Variants in SNAP91 observed in about 807,000 individuals in gnomAD.
SNAP91 encodes the protein clathrin coat assembly protein AP180.
Under a neutral mutation model 100.3 loss-of-function variants are expected in SNAP91, and 27 were observed. The ratio of observed to expected loss-of-function variants is 0.27; its 90% CI spans 0.20 to 0.37. The LOEUF (loss-of-function observed/expected upper bound fraction) is 0.37. Among genes scored for constraint, SNAP91 ranks in the 10% least tolerant of loss-of-function variants. SNAP91 has a pLI of 1.00. For missense variants in SNAP91, 986 were observed against 1,123.7 expected (o/e 0.88, Z 1.75); for synonymous variants, 404 against 398.6 (o/e 1.01, Z -0.16).
intron 28 of SNAP91, among the ~76,000 whole-genome samples, chr6:83,557,990 T>C (rs753494196): frequency 6.6e-6 from 1 of 151,990 alleles, no homozygotes; most frequent in Non-Finnish European, 1.5e-5. Flanking sequence ...ATAAATATGG[T>C]GTATCATTAC....
Position 83,665,594 on chromosome 6 carries a change from A to T in SNAP91, c.131-13T>A. On this transcript the variant is annotated splice_polypyrimidine_tract_variant and intron_variant, in intron 2 of 29. Transcript: ENST00000369694. ...GCCTGGATCAAATCTATGAAAATAG[A>T]AGATATTAATCAATGATATTAACAA... The T allele has an allele frequency of 1.2e-6, 2 of 1,604,516 alleles. No individual in the cohort carries two copies. Among genetic ancestry groups the T allele is most frequent in the Non-Finnish European group, 1.7e-6 (2 of 1,176,572 alleles).
chr6:83,633,212 C>G (rs1367338545), intron 8 of SNAP91, among the ~76,000 whole-genome samples: 1 of 152,212 alleles, frequency 6.6e-6, no homozygotes, highest in Non-Finnish European at 1.5e-5. Context: ...GGGGGGTTGT[C>G]TCACAGAGTC....
intron 26 of SNAP91, among the ~76,000 whole-genome samples, chr6:83,569,272 T>C (rs1309666785): frequency 1.3e-5 from 2 of 152,196 alleles, no homozygotes; most frequent in African/African-American, 2.4e-5. Context: ...CTGCTGTGGA[T>C]ACTTTATGCT....
At chr6:83,575,521 A>C in intron 25 of SNAP91, 1 of 245,474 alleles carries the variant, frequency 4.1e-6, no homozygotes, top group Non-Finnish European at 7.7e-6. Flanking sequence ...GTTCAGCAGA[A>C]TGTTTCACAC....
At chr6:83,674,229 T>A (rs2098828838) in intron 2 of SNAP91, among the ~76,000 whole-genome samples, 2 of 151,996 alleles carry the variant, frequency 1.3e-5, no homozygotes, top group South Asian at 4.2e-4. Flanking sequence ...GTTTGAAACC[T>A]GATCTCAGCC....
chr6:83,605,624 T>G, intron 14 of SNAP91, 61 bp downstream of exon 14: 1 of 1,543,866 alleles, frequency 6.5e-7, no homozygotes, highest in Non-Finnish European at 8.7e-7. Context: ...AATTATAGCC[T>G]AAGTAAAAAC....
At chr6:83,554,714 A>G (rs1775085442) in intron 29 of SNAP91, among the ~76,000 whole-genome samples, 1 of 152,168 alleles carries the variant, frequency 6.6e-6, no homozygotes, top group African/African-American at 2.4e-5. Flanking sequence ...GTCACTTTCT[A>G]AACAGCTGAA....
rs748714859 is a variant in SNAP91 at position 83,575,006 on chromosome 6, A to T, written c.2442+4T>A. On this transcript the variant is annotated splice_donor_region_variant and intron_variant, in intron 26 of 29. Transcript: ENST00000369694. ...CGCTGCCCTGGGCTCTGATTGCTACATACCAAAGGTGCACTTGGTGGAACG... is the reference window on the plus strand; with the variant it reads ...CGCTGCCCTGGGCTCTGATTGCTACTTACCAAAGGTGCACTTGGTGGAACG... 1 of 1,575,870 alleles carries T rather than the reference A, an allele frequency of 6.3e-7. No individual in the cohort carries two copies. Among genetic ancestry groups the T allele is most frequent in the East Asian group, 2.3e-5 (1 of 43,864 alleles).
At chr6:83,572,630 C>T (rs987013676) in intron 26 of SNAP91, among the ~76,000 whole-genome samples, 3 of 152,098 alleles carry the variant, frequency 2.0e-5, no homozygotes, top group African/African-American at 7.2e-5. Context: ...TCCAATACCC[C>T]TAACTCACTT....
At chr6:83,683,712 C>G (rs1008083405) in intron 2 of SNAP91, among the ~76,000 whole-genome samples, 2 of 152,218 alleles carry the variant, frequency 1.3e-5, no homozygotes, top group Non-Finnish European at 2.9e-5. Flanking sequence ...TAATCAATCT[C>G]TTCCATGCCC....
At chr6:83,707,127 T>A (rs577919320) in intron 2 of SNAP91, among the ~76,000 whole-genome samples, 2 of 152,192 alleles carry the variant, frequency 1.3e-5, no homozygotes, top group Non-Finnish European at 2.9e-5. Context: ...CATAGCATAG[T>A]CATCTCACCC....
intron 8 of SNAP91, among the ~76,000 whole-genome samples, chr6:83,632,674 T>C (rs1056146519): frequency 6.6e-6 from 1 of 152,238 alleles, no homozygotes; most frequent in Non-Finnish European, 1.5e-5. Flanking sequence ...TTCAATTCTA[T>C]TGCTGAGACT....
At chr6:83,577,057 A>C (rs1820010936) in intron 24 of SNAP91, among the ~76,000 whole-genome samples, 1 of 152,154 alleles carries the variant, frequency 6.6e-6, no homozygotes, top group African/African-American at 2.4e-5. Context: ...ATGAAAAGGA[A>C]GGGCAAAGTA....
intron 7 of SNAP91, among the ~76,000 whole-genome samples, chr6:83,653,865 G>T (rs1478434877): frequency 6.6e-6 from 1 of 152,126 alleles, no homozygotes; most frequent in Non-Finnish European, 1.5e-5. Flanking sequence ...GGACAAAATA[G>T]ATGTAGTGGG....
chr6:83,616,853 A>T, intron 10 of SNAP91, 116 bp downstream of exon 10: 1 of 658,132 alleles, frequency 1.5e-6, no homozygotes, highest in Non-Finnish European at 2.4e-6. Context: ...CCAGAAAATT[A>T]TAACAAAGCA....
chr6:83,687,796 A>G lies in SNAP91; in HGVS notation c.130+20002T>C, dbSNP rs150868328. On this transcript the variant is annotated intron_variant, in intron 2 of 29. Coordinates refer to ENST00000369694, the MANE Select transcript of SNAP91 (RefSeq NM_001242792.2). ...AGGGGCAGAGGAGATTGTAGGATTT[A>G]TATTTATTTTGTAGACAGGTAGAGC... Among the ~76,000 whole-genome samples the G allele has an allele frequency of 5.7e-4, 87 of 152,306 alleles. 1 individual carries two copies. Among genetic ancestry groups the G allele is most frequent in the African/African-American group, 2.0e-3 (85 of 41,580 alleles).
chr6:83,584,904 C>A (rs189803350), intron 22 of SNAP91, among the ~76,000 whole-genome samples: 3 of 152,254 alleles, frequency 2.0e-5, no homozygotes, highest in East Asian at 1.9e-4. Flanking sequence ...GTAGTGGTAA[C>A]CTTCCCATAC....
In SNAP91 at chr6:83,664,461, CT is replaced by C. The variant is rs1430388747; in HGVS notation, c.273+977del. Among the ~76,000 whole-genome samples the C allele has an allele frequency of 3.3e-5, 5 of 152,164 alleles. No individual in the cohort carries two copies. The South Asian group carries it at 1.0e-3, about 32-fold the overall frequency. On this transcript the variant is annotated intron_variant, in intron 3 of 29. Coordinates refer to ENST00000369694, the MANE Select transcript of SNAP91 (RefSeq NM_001242792.2). ...ATCTGGAAGAAGAGCATTTCAGCCC[CT>C]ATGGATGACTTTGAGGGATTCAAGA...
At chr6:83,640,989 C>T in intron 8 of SNAP91, 107 bp downstream of exon 8, 1 of 614,438 alleles carries the variant, frequency 1.6e-6, no homozygotes, top group East Asian at 3.4e-5. Context: ...GAGGCACTTC[C>T]AACCCTAATA....
Sources: allele counts gnomAD v4.1 joint callset (sites outside exome capture counted in the v4.1 genomes callset), GRCh38; gene constraint gnomAD v4.1.1; transcripts MANE v1.5; gene names NCBI Gene and HGNC (gene_info 2026-07-23, HGNC 2026-07-21).